The following PARD3B variants were observed in gnomAD, a reference collection of about 807,000 sequenced individuals.
PARD3B encodes partitioning defective 3 homolog B.
Under a neutral mutation model 130.2 loss-of-function variants are expected in PARD3B, and 103 were observed. That is an observed-to-expected ratio of 0.79 (90% CI 0.67 to 0.93). The LOEUF is 0.93. PARD3B is among the 40% of genes least tolerant of loss of function. PARD3B has a pLI of 0.00. For synonymous variants in PARD3B, 583 were observed against 553.2 expected (o/e 1.05, Z -0.76); for missense variants, 1,609 against 1,499.2 (o/e 1.07, Z -1.21).
intron 2 of PARD3B, among the ~76,000 whole-genome samples, chr2:204,808,870 A>T (rs985168688): frequency 1.3e-5 from 2 of 152,116 alleles, no homozygotes; most frequent in Non-Finnish European, 2.9e-5. Flanking sequence ...GCTGGGTTCA[A>T]TGGCAGTTGT....
intron 18 of PARD3B, among the ~76,000 whole-genome samples, chr2:205,389,024 C>G (rs2045759106): frequency 6.6e-6 from 1 of 152,132 alleles, no homozygotes; most frequent in Admixed American, 6.5e-5. Context: ...AATGGAGATC[C>G]TTGTAGGCAA....
rs570699304 is a variant in PARD3B at position 205,184,468 on chromosome 2, C to T, written c.1925-1296C>T. 2.8e-3 allele frequency among the ~76,000 whole-genome samples: 431 copies of T among 152,240 alleles called. 2 individuals carry two copies. The highest frequency in any genetic ancestry group is 5.6e-3 in the South Asian group (27 of 4,820). On this transcript the variant is annotated intron_variant, in intron 13 of 22. Coordinates refer to ENST00000406610, the MANE Select transcript of PARD3B (RefSeq NM_001302769.2). ...TTAAATATAATTTAGTTTGGCCCGG[C>T]GCGGTGGCTCACGCCTGTAATCCCA...
chr2:204,896,706 C>T (rs998470391), intron 2 of PARD3B, among the ~76,000 whole-genome samples: 31 of 152,160 alleles, frequency 2.0e-4, no homozygotes, highest in African/African-American at 7.5e-4. Flanking sequence ...CAAGACTCTA[C>T]AGTCTTATCA....
At chr2:204,920,854 C>T (rs1274766582) in intron 2 of PARD3B, among the ~76,000 whole-genome samples, 1 of 152,154 alleles carries the variant, frequency 6.6e-6, no homozygotes, top group Non-Finnish European at 1.5e-5. Context: ...TCGTGTTTGA[C>T]AGGTTTCTGA....
At chr2:204,990,611 T>C (rs983308994) in intron 3 of PARD3B, among the ~76,000 whole-genome samples, 9 of 152,006 alleles carry the variant, frequency 5.9e-5, no homozygotes, top group African/African-American at 1.9e-4. Context: ...ACACTAATAA[T>C]TTGTAGATTG....
chr2:205,425,562 A>C (rs1406950253), intron 19 of PARD3B, among the ~76,000 whole-genome samples: 1 of 152,104 alleles, frequency 6.6e-6, no homozygotes, highest in East Asian at 1.9e-4. Flanking sequence ...AAAAAAAAAA[A>C]AAAAAACAAC....
Position 205,146,376 on chromosome 2 carries a change from G to T in PARD3B, c.1435-12346G>T, listed in dbSNP as rs2033358699. 6.6e-6 allele frequency among the ~76,000 whole-genome samples: 1 copy of T among 152,154 alleles called. No homozygotes were observed. The highest frequency in any genetic ancestry group is 2.4e-5 in the African/African-American group (1 of 41,444). On this transcript the variant is annotated intron_variant, in intron 10 of 22. Coordinates refer to ENST00000406610, the MANE Select transcript of PARD3B (RefSeq NM_001302769.2). This position sits in a 1 kb window ranked among gnomAD's most constrained non-coding sequence, Gnocchi z 4.3. ...ATTAAATTGTTACATCAGGCTGGGTGCGGTGGCTCACCCCTGTAATCCCAG... is the reference window on the plus strand; with the variant it reads ...ATTAAATTGTTACATCAGGCTGGGTTCGGTGGCTCACCCCTGTAATCCCAG...
intron 1 of PARD3B, among the ~76,000 whole-genome samples, chr2:204,605,927 T>G (rs1331986234): frequency 1.3e-5 from 2 of 152,202 alleles, no homozygotes; most frequent in African/African-American, 4.8e-5. Flanking sequence ...TAATCCATGC[T>G]GCCTCACCCA....
rs1490667293 is a variant in PARD3B, at chr2:205,125,787, C to A, written c.1434+50C>A. The A allele has an allele frequency of 1.2e-6, 2 of 1,603,582 alleles. No individual in the cohort carries two copies. The highest frequency in any genetic ancestry group is 1.7e-6 in the Non-Finnish European group (2 of 1,173,384). On this transcript the variant is annotated intron_variant, in intron 10 of 22. Transcript: ENST00000406610. This position sits in a 1 kb window ranked among gnomAD's most constrained non-coding sequence, Gnocchi z 4.0. ...TGAATTTTTAATGCCGAGCTTAATA[C>A]ACTCAATGAACTCATTATAGCTGAG... is the stretch of plus-strand genomic sequence containing the variant.
At chr2:205,063,939 C>A (rs892182918) in intron 4 of PARD3B, among the ~76,000 whole-genome samples, 2 of 147,488 alleles carry the variant, frequency 1.4e-5, no homozygotes, top group Non-Finnish European at 3.0e-5. Flanking sequence ...TAAAAAAAAA[C>A]GCATATCCAA....
At chr2:204,813,729 G>A (rs1056793638) in intron 2 of PARD3B, among the ~76,000 whole-genome samples, 3 of 151,748 alleles carry the variant, frequency 2.0e-5, no homozygotes. Flanking sequence ...TTTTTTACAT[G>A]GATATTCAGC....
chr2:204,935,021 C>T (rs6736767), intron 2 of PARD3B, among the ~76,000 whole-genome samples: 7,354 of 152,150 alleles, frequency 0.048, 607 homozygotes, highest in African/African-American at 0.17. Context: ...ATTTAGAACA[C>T]CTTATTTGTT....
chr2:205,211,840 C>T (rs1045018366), intron 15 of PARD3B, among the ~76,000 whole-genome samples: 9 of 152,070 alleles, frequency 5.9e-5, no homozygotes, highest in Admixed American at 2.6e-4. Flanking sequence ...AGTCCCCAAA[C>T]GCTTCAGAAT....
chr2:205,249,541 G>A (rs961658146), intron 16 of PARD3B, among the ~76,000 whole-genome samples: 1 of 151,964 alleles, frequency 6.6e-6, no homozygotes, highest in African/African-American at 2.4e-5. Context: ...CCAATCAAAG[G>A]CCCAGGTAAA....
intron 2 of PARD3B, among the ~76,000 whole-genome samples, chr2:204,805,954 T>G (rs2042752242): frequency 6.6e-6 from 1 of 151,914 alleles, no homozygotes; most frequent in Admixed American, 6.6e-5. Flanking sequence ...ACAGCTACTA[T>G]CATATTATGA....
chr2:204,729,396 T>C (rs1184671067), intron 2 of PARD3B, among the ~76,000 whole-genome samples: 2 of 152,148 alleles, frequency 1.3e-5, no homozygotes, highest in African/African-American at 2.4e-5. Context: ...AAGAGGCCAA[T>C]TGTGCTTTTG....
intron 16 of PARD3B, among the ~76,000 whole-genome samples, chr2:205,277,623 C>A (rs534820631): frequency 1.3e-5 from 2 of 151,954 alleles, no homozygotes; most frequent in Admixed American, 1.3e-4. Context: ...GAAAGAGAGA[C>A]GGCAGATGCA....
chr2:204,546,155 G>A (rs1194662095), intron 1 of PARD3B, 36 bp downstream of exon 1: 4 of 1,549,012 alleles, frequency 2.6e-6, no homozygotes, highest in African/African-American at 2.7e-5. Context: ...CGCGGCTGCA[G>A]CCAAGGCACC....
At chr2:205,449,570 G>A (rs1327934780) in intron 20 of PARD3B, among the ~76,000 whole-genome samples, 2 of 152,050 alleles carry the variant, frequency 1.3e-5, no homozygotes, top group Non-Finnish European at 2.9e-5. Flanking sequence ...TAAATAATGT[G>A]TCCATTTAGA....
Sources: allele counts gnomAD v4.1 joint callset (sites outside exome capture counted in the v4.1 genomes callset), GRCh38; gene constraint gnomAD v4.1.1; non-coding constraint Gnocchi (gnomAD v3.1); transcripts MANE v1.5; gene names NCBI Gene and HGNC (gene_info 2026-07-23, HGNC 2026-07-21).